The following WASF3 variants were observed in gnomAD, a reference collection of about 807,000 sequenced individuals.
The protein encoded by WASF3 is WASP family member 3, also known as actin-binding protein WASF3.
A neutral mutation model predicts 46.6 loss-of-function variants in WASF3; 11 were observed. The ratio of observed to expected loss-of-function variants is 0.24; its 90% CI spans 0.15 to 0.39. The LOEUF (loss-of-function observed/expected upper bound fraction) is 0.39, where lower values mean the gene tolerates loss of function less well. Among genes scored for constraint, WASF3 ranks in the 10% least tolerant of loss-of-function variants. WASF3 has a pLI of 1.00. For synonymous variants in WASF3, 242 were observed against 259.7 expected (o/e 0.93, Z 0.65); for missense variants, 576 against 669.8 (o/e 0.86, Z 1.55).
In WASF3 at chr13:26,685,891, T is replaced by A. The variant is rs1312846215; in HGVS notation, c.*46T>A. ...CGCGTGTGGGAGCGTGTTGAAGATT[T>A]TAAGTGGTCTCTACACCCAAATAGT... is the stretch of plus-strand genomic sequence containing the variant. On this transcript the variant is annotated 3_prime_UTR_variant, in exon 10 of 10. Transcript: ENST00000335327. 2.5e-6 allele frequency: 4 copies of A among 1,596,048 alleles called. No individual in the cohort carries two copies. Among genetic ancestry groups the A allele is most frequent in the African/African-American group, 1.3e-5 (1 of 74,640 alleles).
At chr13:26,628,761 C>T (rs1447287191) in intron 2 of WASF3, among the ~76,000 whole-genome samples, 1 of 152,196 alleles carries the variant, frequency 6.6e-6, no homozygotes, top group Non-Finnish European at 1.5e-5. Flanking sequence ...TTCAGACCCC[C>T]AGCCCTGCAG....
chr13:26,575,958 A>C (rs886293250), intron 1 of WASF3, among the ~76,000 whole-genome samples: 1 of 152,136 alleles, frequency 6.6e-6, no homozygotes, highest in African/African-American at 2.4e-5. Flanking sequence ...GGCTCTTAAA[A>C]TGTGTAGATT....
the WASF3 span, among the ~76,000 whole-genome samples, chr13:26,549,971 G>T: frequency 6.6e-5 from 10 of 152,312 alleles, no homozygotes; most frequent in Middle Eastern, 3.4e-3. Context: ...TTAGGCAACT[G>T]CAGCAGGTAA....
intron 3 of WASF3, among the ~76,000 whole-genome samples, chr13:26,649,355 C>A (rs1352269798): frequency 6.6e-6 from 1 of 152,024 alleles, no homozygotes; most frequent in Non-Finnish European, 1.5e-5. Flanking sequence ...CACAGATGAC[C>A]CCAATTTTGG....
rs142839529 is a variant in WASF3, at chr13:26,667,654, A to G, written c.406A>G (p.Ile136Val). ...GAGTGATAAGCCACCGCCTCTGAACATCCTGACACCATACAGGTATAGCTT... is the reference window on the plus strand; with the variant it reads ...GAGTGATAAGCCACCGCCTCTGAACGTCCTGACACCATACAGGTATAGCTT... Reference protein sequence around the residue: ...NQSDKPPPLNILTPYRDDKKD... With the variant: ...NQSDKPPPLNVLTPYRDDKKD... The change falls in exon 5 of 10, where the codon ATC becomes GTC. Residue 136 changes from isoleucine to valine, a missense_variant. This residue lies in a region of WASF3 where 213 missense variants were observed against 278.0 expected (regional missense o/e 0.77). Coordinates refer to ENST00000335327, the MANE Select transcript of WASF3 (RefSeq NM_006646.6). 2.0e-5 allele frequency: 33 copies of G among 1,614,108 alleles called. No individual in the cohort carries two copies. In the African/African-American group the frequency reaches 3.9e-4, roughly 19 times the overall value.
intron 1 of WASF3, among the ~76,000 whole-genome samples, chr13:26,611,984 A>C (rs907492147): frequency 2.0e-5 from 3 of 152,106 alleles, no homozygotes; most frequent in Admixed American, 2.0e-4. Context: ...GAAATGGCAC[A>C]GTTATCTGTT....
intron 1 of WASF3, among the ~76,000 whole-genome samples, chr13:26,594,617 C>A (rs532069017): frequency 6.6e-6 from 1 of 152,290 alleles, no homozygotes; most frequent in African/African-American, 2.4e-5. Flanking sequence ...TTCATACTGC[C>A]AAAGTTACCT....
At chr13:26,675,915 C>G (rs1222863896) in intron 6 of WASF3, among the ~76,000 whole-genome samples, 4 of 152,130 alleles carry the variant, frequency 2.6e-5, no homozygotes, top group Non-Finnish European at 5.9e-5. Context: ...TAGAGGCACA[C>G]ATAGAAATAA....
chr13:26,602,858 G>GT (rs1359159988), intron 1 of WASF3, among the ~76,000 whole-genome samples: 4 of 151,988 alleles, frequency 2.6e-5, no homozygotes, highest in African/African-American at 9.6e-5. Context: ...TGTATATTTC[G>GT]TGCACTTATG....
At chr13:26,543,848 G>A in the WASF3 span, among the ~76,000 whole-genome samples, 4 of 152,162 alleles carry the variant, frequency 2.6e-5, no homozygotes, top group African/African-American at 4.8e-5. Context: ...CTTTTAGCAA[G>A]GCTTCACTGC....
At chr13:26,585,013 C>G (rs1880088920) in intron 1 of WASF3, among the ~76,000 whole-genome samples, 1 of 151,808 alleles carries the variant, frequency 6.6e-6, no homozygotes, top group African/African-American at 2.4e-5. Flanking sequence ...GTGGCAGATC[C>G]CTGCCTGACT....
chr13:26,600,286 G>C (rs1429564673), intron 1 of WASF3, among the ~76,000 whole-genome samples: 1 of 152,114 alleles, frequency 6.6e-6, no homozygotes, highest in Non-Finnish European at 1.5e-5. Context: ...TCTGAAAAAA[G>C]GTTTTCTAGG....
At chr13:26,667,041 A>G (rs955289044) in intron 4 of WASF3, among the ~76,000 whole-genome samples, 1 of 152,256 alleles carries the variant, frequency 6.6e-6, no homozygotes, top group South Asian at 2.1e-4. Flanking sequence ...AAGCTTTGCC[A>G]TTTGCCATCT....
intron 3 of WASF3, among the ~76,000 whole-genome samples, chr13:26,652,191 A>C (rs1415515999): frequency 1.3e-5 from 2 of 152,238 alleles, no homozygotes; most frequent in African/African-American, 2.4e-5. Flanking sequence ...ATTTAAGGAA[A>C]GTTAATGAAA....
chr13:26,685,291 A>G (rs1883367984), intron 9 of WASF3, among the ~76,000 whole-genome samples: 1 of 152,028 alleles, frequency 6.6e-6, no homozygotes, highest in African/African-American at 2.4e-5. Flanking sequence ...TGCCTAGTAG[A>G]TGTCCTGTGG....
At chr13:26,546,413 A>T in the WASF3 span, among the ~76,000 whole-genome samples, 1 of 152,262 alleles carries the variant, frequency 6.6e-6, no homozygotes, top group African/African-American at 2.4e-5. Context: ...AAATAAAAGT[A>T]AAAACAGACT....
In WASF3 at chr13:26,679,099, C is replaced by T. The variant is rs1883151824; in HGVS notation, c.717-1955C>T. 6.6e-6 allele frequency among the ~76,000 whole-genome samples: 1 copy of T among 151,750 alleles called. No homozygotes were observed. The highest frequency in any genetic ancestry group is 2.4e-5 in the African/African-American group (1 of 41,040). On this transcript the variant is annotated intron_variant, in intron 7 of 9. Transcript: ENST00000335327. This position sits in a 1 kb window ranked among gnomAD's most constrained non-coding sequence, Gnocchi z 4.8. ...CCTCTTCCTCCCGTGTCAGTGTCGC[C>T]TCTGGCCCTCCCAGTCCTCTCTTCT...
At position 26,687,569 on chromosome 13, in the gene WASF3, G is replaced by C. The variant is rs1378538818; in HGVS notation, c.*1724G>C. On this transcript the variant is annotated 3_prime_UTR_variant, in exon 10 of 10. Transcript: ENST00000335327. ...TCCCCTTTCCAAGGCTGCTTCCCTGGTGTGTCTGTTCTCTCCTCTGTCCCA... is the reference window on the plus strand; with the variant it reads ...TCCCCTTTCCAAGGCTGCTTCCCTGCTGTGTCTGTTCTCTCCTCTGTCCCA... The C allele has an allele frequency of 6.6e-6, 1 of 152,340 alleles. No individual in the cohort carries two copies. Among genetic ancestry groups the C allele is most frequent in the African/African-American group, 2.4e-5 (1 of 41,508 alleles). The allele number at this position is 152,340 out of a possible 1,614,324, so 9.4% of individuals were successfully genotyped here.
intron 7 of WASF3, 25 bp downstream of exon 7, chr13:26,676,749 A>G (rs375744812): frequency 1.3e-4 from 200 of 1,588,044 alleles, no homozygotes; most frequent in Non-Finnish European, 1.6e-4. Flanking sequence ...CTGCTCCCTC[A>G]GCCCTGATGC....
Sources: allele counts gnomAD v4.1 joint callset (sites outside exome capture counted in the v4.1 genomes callset), GRCh38; gene constraint gnomAD v4.1.1; regional missense constraint gnomAD v4.1.1; non-coding constraint Gnocchi (gnomAD v3.1); transcripts MANE v1.5; gene names NCBI Gene and HGNC (gene_info 2026-07-23, HGNC 2026-07-21).